The following PUM1 variants were observed in gnomAD, a reference collection of about 807,000 sequenced individuals.
PUM1 encodes the protein pumilio RNA binding family member 1.
In PUM1, 13 loss-of-function variants were observed where a neutral mutation model predicts 131.8. The ratio of observed to expected loss-of-function variants is 0.10; its 90% CI spans 0.06 to 0.16. The LOEUF (loss-of-function observed/expected upper bound fraction) is 0.16, where lower values mean the gene tolerates loss of function less well. Among genes scored for constraint, PUM1 ranks in the 10% least tolerant of loss-of-function variants. PUM1 has a pLI of 1.00. For synonymous variants in PUM1, 509 were observed against 556.5 expected, an observed-to-expected ratio of 0.91 and a Z score of 1.20; for missense variants, 961 against 1,512.4, an observed-to-expected ratio of 0.64 and a Z score of 6.05.
At chr1:30,941,832 T>G in intron 19 of PUM1, 166 bp downstream of exon 19, 1 of 741,250 alleles carries the variant, frequency 1.3e-6, no homozygotes, top group South Asian at 1.4e-5. Flanking sequence ...CTACCCATAT[T>G]CATAAAACAC....
intron 20 of PUM1, among the ~76,000 whole-genome samples, chr1:30,938,844 G>A (rs565107052): frequency 2.0e-5 from 3 of 152,194 alleles, no homozygotes; most frequent in Non-Finnish European, 2.9e-5. Flanking sequence ...CAGCCTGGGC[G>A]ACAGAGCGAG....
chr1:30,982,097 A>G (rs1445093365), intron 7 of PUM1: 1 of 152,208 alleles, frequency 6.6e-6, no homozygotes, highest in Non-Finnish European at 1.5e-5. Context: ...TTTATATGTT[A>G]AAAATAAAAC....
chr1:31,009,661 G>A (rs934420604), intron 3 of PUM1, among the ~76,000 whole-genome samples: 32 of 151,400 alleles, frequency 2.1e-4, no homozygotes, highest in African/African-American at 7.5e-4. Context: ...CCAGCTACTC[G>A]GGAGGCTGAG....
intron 14 of PUM1, among the ~76,000 whole-genome samples, chr1:30,959,189 T>C (rs1311154550): frequency 6.6e-6 from 1 of 152,168 alleles, no homozygotes; most frequent in Non-Finnish European, 1.5e-5. Flanking sequence ...GTCAAGTTTA[T>C]CAAATGTTTA....
Position 30,967,267 on chromosome 1 carries a change from A to C in PUM1, c.1689T>G (p.Gly563=). Residue 563 remains glycine, a synonymous_variant, in exon 12 of 22, where the codon GGT becomes GGG. Coordinates refer to ENST00000426105, the MANE Select transcript of PUM1 (RefSeq NM_001020658.2). ...LAPAAYYDQT[G]ALVVNAGARN... is the part of the protein sequence containing the mutation. ...TCGCGCCTGCATTCACTACAAGGGCACCAGTTTGGTCATAGTAAGCAGCAG... is the reference window on the plus strand; with the variant it reads ...TCGCGCCTGCATTCACTACAAGGGCCCCAGTTTGGTCATAGTAAGCAGCAG... 1 of 1,614,070 alleles carries C rather than the reference A, an allele frequency of 6.2e-7. No homozygotes were observed. The highest frequency in any genetic ancestry group is 8.5e-7 in the Non-Finnish European group (1 of 1,179,920).
chr1:30,967,079 A>T (rs752185411), intron 12 of PUM1, 88 bp downstream of exon 12: 1 of 1,533,530 alleles, frequency 6.5e-7, no homozygotes, highest in Non-Finnish European at 8.9e-7. Context: ...GAGAATTGCC[A>T]AAAGTTTATT....
intron 2 of PUM1, among the ~76,000 whole-genome samples, chr1:31,046,677 G>A (rs1643976047): frequency 6.6e-6 from 1 of 151,344 alleles, no homozygotes; most frequent in African/African-American, 2.4e-5. Flanking sequence ...ACAGCATGTT[G>A]GTCAGTCTGG....
chr1:30,968,641 T>G, intron 10 of PUM1, 149 bp from the exon 11 acceptor site: 1 of 729,766 alleles, frequency 1.4e-6, no homozygotes, highest in Non-Finnish European at 2.1e-6. Flanking sequence ...GCGTATAAAT[T>G]CAATTAATAA....
At chr1:30,958,993 T>C (rs1014742972) in intron 14 of PUM1, among the ~76,000 whole-genome samples, 19 of 152,188 alleles carry the variant, frequency 1.2e-4, no homozygotes, top group Middle Eastern at 3.2e-3. Context: ...ATTAAAATAG[T>C]ACATTTTATG....
chr1:30,957,123 C>CACACACACAG (rs1466815533), intron 14 of PUM1, among the ~76,000 whole-genome samples: 9 of 150,408 alleles, frequency 6.0e-5, no homozygotes, highest in Admixed American at 3.3e-4. Context: ...CACACACACA[C>CACACACACAG]AGCTTTTATT....
chr1:30,941,050 A>T (rs1201646286), intron 20 of PUM1, 101 bp downstream of exon 20: 1 of 1,166,948 alleles, frequency 8.6e-7, no homozygotes, highest in Non-Finnish European at 1.2e-6. Context: ...ATACTTTGAA[A>T]ACAACAACAA....
chr1:30,953,790 T>G lies in PUM1; in HGVS notation c.2515A>C (p.Asn839His). 1 of 1,614,238 alleles carries G rather than the reference T, an allele frequency of 6.2e-7. No homozygotes were observed. The highest frequency in any genetic ancestry group is 8.5e-7 in the Non-Finnish European group (1 of 1,180,038). The change falls in exon 15 of 22, where the codon AAC becomes CAC. Residue 839 changes from asparagine to histidine, a missense_variant. Asn to His is a moderately conservative substitution (Grantham distance 68). Transcript: ENST00000426105. ...RSRLLEDFRNNRYPNLQLREI... is the reference protein window; with the variant it reads ...RSRLLEDFRNHRYPNLQLREI... The stretch of plus-strand genomic sequence containing the variant: ...CGCAGTTGTAAATTGGGGTACCGGT[T>G]GTTTCGAAAATCTTCCAAAAGCCTG...
intron 18 of PUM1, 103 bp from the exon 19 acceptor site, chr1:30,942,226 T>TATATATATATAC: frequency 6.2e-6 from 1 of 160,348 alleles, no homozygotes; most frequent in African/African-American, 3.2e-5. Flanking sequence ...TATATATATA[T>TATATATATATAC]ATATATATAT....
chr1:30,944,753 A>C (rs1405474545), intron 18 of PUM1, among the ~76,000 whole-genome samples: 1 of 152,258 alleles, frequency 6.6e-6, no homozygotes. Context: ...AATAGTACTT[A>C]ACCAAGGGAA....
chr1:30,994,708 C>T (rs556611568), intron 6 of PUM1, among the ~76,000 whole-genome samples: 35 of 152,162 alleles, frequency 2.3e-4, no homozygotes, highest in Non-Finnish European at 4.3e-4. Flanking sequence ...CTCTCTAATA[C>T]GGTAATTTGG....
chr1:30,935,111 G>A (rs961729143), intron 21 of PUM1, among the ~76,000 whole-genome samples: 1 of 152,108 alleles, frequency 6.6e-6, no homozygotes, highest in African/African-American at 2.4e-5. Flanking sequence ...CCTCCCATGT[G>A]GTCTCATCAC....
At chr1:31,036,713 CT>C (rs1228882331) in intron 2 of PUM1, 2 of 152,620 alleles carry the variant, frequency 1.3e-5, no homozygotes, top group Admixed American at 6.6e-5. Flanking sequence ...TATGAAGTTC[CT>C]GGCTATACAT....
chr1:31,023,348 A>C (rs1643103274), intron 3 of PUM1, among the ~76,000 whole-genome samples: 1 of 152,196 alleles, frequency 6.6e-6, no homozygotes, highest in African/African-American at 2.4e-5. Context: ...TTTGGAGTCA[A>C]CTGTGCTGCT....
chr1:30,952,123 A>C, intron 16 of PUM1, 111 bp downstream of exon 16: 1 of 1,026,346 alleles, frequency 9.7e-7, no homozygotes, highest in Non-Finnish European at 1.5e-6. Context: ...AAGACCACAC[A>C]CCCTTCATTC....
Sources: gnomAD v4.1 joint callset for allele counts (sites outside exome capture counted in the v4.1 genomes callset) on GRCh38, gnomAD v4.1.1 for gene constraint, MANE v1.5 for transcripts, NCBI Gene and HGNC (gene_info 2026-07-23, HGNC 2026-07-21) for gene names.